VGLL3: variants seen among roughly 807,000 people sequenced by gnomAD.
VGLL3 encodes transcription cofactor vestigial-like protein 3.
In VGLL3, 18 loss-of-function variants were observed where a neutral mutation model predicts 29.2. The ratio of observed to expected loss-of-function variants is 0.62; its 90% CI spans 0.43 to 0.91. VGLL3 has a LOEUF of 0.91. Among genes scored for constraint, VGLL3 ranks in the 40% least tolerant of loss-of-function variants. The pLI is 0.00. For missense variants in VGLL3, 440 were observed against 413.2 expected (o/e 1.06, Z -0.56); for synonymous variants, 180 against 151.8 (o/e 1.19, Z -1.36).
chr3:86,980,732 T>C (rs1206382078), intron 1 of VGLL3, among the ~76,000 whole-genome samples: 3 of 152,104 alleles, frequency 2.0e-5, no homozygotes, highest in Admixed American at 2.0e-4. Flanking sequence ...CAAATCACAG[T>C]GCTGCTTCTT....
Position 86,945,757 on chromosome 3 carries a change from TA to T in VGLL3, c.*1266del, listed in dbSNP as rs1704494740. The T allele has an allele frequency of 6.6e-6, 1 of 152,166 alleles. No homozygotes were observed. The highest frequency in any genetic ancestry group is 1.5e-5 in the Non-Finnish European group (1 of 68,002). The allele number at this position is 152,166 out of a possible 1,614,324, so 9.4% of individuals were successfully genotyped here. A position where few individuals can be genotyped will look rare whatever the true frequency, so the allele number is the denominator to read the frequency against. Reference sequence around the variant, plus strand: ...TCCTAATATACACTTTATTTTGCCCTAAATTTCTTTCTAAAAAGGAATTAAA... The same window carrying T: ...TCCTAATATACACTTTATTTTGCCCTAATTTCTTTCTAAAAAGGAATTAAA... On this transcript the variant is annotated 3_prime_UTR_variant, in exon 4 of 4. Transcript: ENST00000398399.
At chr3:86,987,478 C>G (rs952403381) in intron 1 of VGLL3, among the ~76,000 whole-genome samples, 12 of 152,090 alleles carry the variant, frequency 7.9e-5, no homozygotes, top group Non-Finnish European at 1.5e-4. Context: ...ATTAGAAAAC[C>G]AGTGACTGTT....
At chr3:86,983,527 G>A (rs1263255237) in intron 1 of VGLL3, among the ~76,000 whole-genome samples, 3 of 152,118 alleles carry the variant, frequency 2.0e-5, no homozygotes, top group Non-Finnish European at 4.4e-5. Flanking sequence ...CTACAGGTGT[G>A]TGCCACCATG....
chr3:86,961,987 G>A, intron 3 of VGLL3: 1 of 982,114 alleles, frequency 1.0e-6, no homozygotes, highest in Non-Finnish European at 1.2e-6. Context: ...AGAGGTATAT[G>A]GTAGGCAATG....
chr3:86,947,062 G>A lies in VGLL3; in HGVS notation c.943C>T (p.Gln315Ter). The change falls in exon 4 of 4, where the codon CAG (glutamine) becomes TAG (stop). Residue 315 changes from glutamine to a stop codon, truncating the protein, a stop_gained. Coordinates refer to ENST00000398399, the MANE Select transcript of VGLL3 (RefSeq NM_016206.4). LOFTEE classifies it high-confidence loss of function. ...GATTCCTTACTCTTGTCTTGATGCT[G>A]TAGACCTGGAACAAATGACAATGGG... is the stretch of plus-strand genomic sequence containing the variant. The part of the protein sequence containing the change: ...VPSVGFDTGL[Q>*]HQDKSKESPW... 1.3e-6 allele frequency: 1 copy of A among 780,532 alleles called. No individual in the cohort carries two copies. The highest frequency in any genetic ancestry group is 2.4e-5 in the East Asian group (1 of 41,222). 48.4% of individuals were successfully genotyped at this position (780,532 alleles called of 1,614,324 possible).
chr3:86,964,969 C>T (rs530250743), intron 3 of VGLL3, among the ~76,000 whole-genome samples: 1 of 151,968 alleles, frequency 6.6e-6, no homozygotes, highest in Non-Finnish European at 1.5e-5. Context: ...ACCAGCCTGG[C>T]CAACATAGTG....
Position 86,939,631 on chromosome 3 carries a change from CAAAACAAAACAAAACAAA to C in VGLL3, c.*7375_*7392del, listed in dbSNP as rs1704351130. ...AGAGCAAGACTCCATCAAAACAAAA[CAAAACAAAACAAAACAAA>C]AAAACAAAACAGAACAAAAACCTTG... On this transcript the variant is annotated 3_prime_UTR_variant, in exon 4 of 4. Coordinates refer to ENST00000398399, the MANE Select transcript of VGLL3 (RefSeq NM_016206.4). 6.5e-6 allele frequency: 1 copy of C among 152,830 alleles called. No individual in the cohort carries two copies. The highest frequency in any genetic ancestry group is 1.9e-4 in the East Asian group (1 of 5,222). The allele number at this position is 152,830 out of a possible 1,614,324, so 9.5% of individuals were successfully genotyped here.
intron 2 of VGLL3, among the ~76,000 whole-genome samples, chr3:86,972,761 T>C (rs1444132087): frequency 2.0e-5 from 3 of 152,188 alleles, no homozygotes; most frequent in Non-Finnish European, 4.4e-5. Flanking sequence ...TTACCTGGTA[T>C]ACAGGTGATG....
At chr3:86,947,697 A>C (rs1032178200) in intron 3 of VGLL3, among the ~76,000 whole-genome samples, 1 of 152,178 alleles carries the variant, frequency 6.6e-6, no homozygotes, top group African/African-American at 2.4e-5. Context: ...AAAGTATTTA[A>C]AGTGGATTTA....
intron 1 of VGLL3, among the ~76,000 whole-genome samples, chr3:86,980,589 T>C (rs539132093): frequency 6.6e-6 from 1 of 152,218 alleles, no homozygotes; most frequent in South Asian, 2.1e-4. Flanking sequence ...TGTTTATATT[T>C]AACTTCAATA....
intron 3 of VGLL3, among the ~76,000 whole-genome samples, chr3:86,948,927 T>C (rs1244321897): frequency 6.6e-6 from 1 of 152,222 alleles, no homozygotes; most frequent in African/African-American, 2.4e-5. Context: ...TAGTCTCTGT[T>C]GGGTAACTCT....
chr3:86,939,020 A>G lies in VGLL3; in HGVS notation c.*8004T>C, dbSNP rs1575853068. On this transcript the variant is annotated 3_prime_UTR_variant, in exon 4 of 4. Transcript: ENST00000398399. ...CTGTTCTCCACCCCCTAGACTGCTC[A>G]TCTTACATAAGTAACACATAACCCT... 6.6e-6 allele frequency: 1 copy of G among 152,228 alleles called. No homozygotes were observed. Among genetic ancestry groups the G allele is most frequent in the South Asian group, 2.1e-4 (1 of 4,832 alleles). 9.4% of individuals were successfully genotyped at this position (152,228 alleles called of 1,614,324 possible). A position where few individuals can be genotyped will look rare whatever the true frequency, so the allele number is the denominator to read the frequency against.
chr3:86,951,742 A>T (rs555572485), intron 3 of VGLL3, among the ~76,000 whole-genome samples: 1 of 146,482 alleles, frequency 6.8e-6, no homozygotes, highest in Non-Finnish European at 1.5e-5. Context: ...CCCCCAAAAA[A>T]TCTTAAAGCT....
rs563052393 is a variant in VGLL3 at position 86,984,504 on chromosome 3, T to G, written c.127-5702A>C. ...ACAGGCTTAGAGGCGATTTCAAAATTTACATTCCCAAAATGTTTTAAGCAA... is the reference window on the plus strand; with the variant it reads ...ACAGGCTTAGAGGCGATTTCAAAATGTACATTCCCAAAATGTTTTAAGCAA... On this transcript the variant is annotated intron_variant, in intron 1 of 3. Coordinates refer to ENST00000398399, the MANE Select transcript of VGLL3 (RefSeq NM_016206.4). Among the ~76,000 whole-genome samples the G allele has an allele frequency of 3.9e-5, 6 of 152,310 alleles. No individual in the cohort carries two copies. The East Asian group carries it at 1.2e-3, about 29-fold the overall frequency.
chr3:86,971,415 T>G (rs905535854), intron 2 of VGLL3, among the ~76,000 whole-genome samples: 3 of 152,182 alleles, frequency 2.0e-5, no homozygotes, highest in Non-Finnish European at 2.9e-5. Flanking sequence ...CTATTCACAG[T>G]CAATTCCCTC....
rs1280904936 is a variant in VGLL3, at chr3:86,939,762, G to A, written c.*7262C>T. On this transcript the variant is annotated 3_prime_UTR_variant, in exon 4 of 4. Coordinates refer to ENST00000398399, the MANE Select transcript of VGLL3 (RefSeq NM_016206.4). ...ATGTAAGGGAGAGGAAGAAGAGGAA[G>A]TCAGTGATGTCATGTGAGAAGGTCT... 1 of 152,306 alleles carries A rather than the reference G, an allele frequency of 6.6e-6. No individual in the cohort carries two copies. The highest frequency in any genetic ancestry group is 1.9e-4 in the East Asian group (1 of 5,194). 9.4% of individuals were successfully genotyped at this position (152,306 alleles called of 1,614,324 possible). A position where few individuals can be genotyped will look rare whatever the true frequency, so the allele number is the denominator to read the frequency against.
At chr3:86,974,411 C>T (rs539268215) in intron 2 of VGLL3, among the ~76,000 whole-genome samples, 5 of 152,200 alleles carry the variant, frequency 3.3e-5, no homozygotes, top group African/African-American at 9.6e-5. Context: ...TGAGCCACCA[C>T]GCCCAGCTAG....
chr3:86,952,281 A>T (rs1428504106), intron 3 of VGLL3, among the ~76,000 whole-genome samples: 1 of 152,224 alleles, frequency 6.6e-6, no homozygotes, highest in East Asian at 1.9e-4. Flanking sequence ...AATAATAAAT[A>T]AACATTGGGT....
chr3:86,956,939 A>G (rs1704736972), intron 3 of VGLL3, among the ~76,000 whole-genome samples: 1 of 152,190 alleles, frequency 6.6e-6, no homozygotes, highest in Admixed American at 6.5e-5. Flanking sequence ...TAGATTTGCA[A>G]CTTTTAAGGA....
Sources: gnomAD v4.1 joint callset for allele counts (sites outside exome capture counted in the v4.1 genomes callset) on GRCh38, gnomAD v4.1.1 for gene constraint, MANE v1.5 for transcripts, NCBI Gene and HGNC (gene_info 2026-07-23, HGNC 2026-07-21) for gene names.